The following PAEP variants were observed in gnomAD, a reference collection of about 807,000 sequenced individuals.
PAEP encodes glycodelin.
Under a neutral mutation model 23.0 loss-of-function variants are expected in PAEP, and 28 were observed. The ratio of observed to expected loss-of-function variants is 1.22; its 90% CI spans 0.90 to 1.67. The LOEUF (loss-of-function observed/expected upper bound fraction) is 1.67, where lower values mean the gene tolerates loss of function less well. Ranked by LOEUF, PAEP falls within the 40% of genes most tolerant of loss-of-function variation. PAEP has a pLI of 0.00. For synonymous variants in PAEP, 103 were observed against 92.4 expected, an observed-to-expected ratio of 1.12 and a Z score of -0.66; for missense variants, 209 against 226.4, an observed-to-expected ratio of 0.92 and a Z score of 0.49.
intron 6 of PAEP, among the ~76,000 whole-genome samples, 182 bp downstream of exon 6, chr9:135,565,983 G>A (rs569419850): frequency 6.6e-6 from 1 of 152,210 alleles, no homozygotes; most frequent in Non-Finnish European, 1.5e-5. Context: ...CCCCATTCAC[G>A]AGCCCAGCCT....
chr9:135,564,393 G>A, intron 4 of PAEP, 39 bp downstream of exon 4: 2 of 1,546,448 alleles, frequency 1.3e-6, no homozygotes, highest in Non-Finnish European at 1.7e-6. Flanking sequence ...TGGGTGAGAG[G>A]CAGCAGCTAC....
intron 2 of PAEP, 44 bp downstream of exon 2, chr9:135,562,477 T>A: frequency 3.8e-6 from 6 of 1,598,028 alleles, no homozygotes; most frequent in Non-Finnish European, 5.1e-6. Context: ...GGGCTCAGTC[T>A]CCCCCCTCAG....
intron 3 of PAEP, among the ~76,000 whole-genome samples, chr9:135,563,822 G>C (rs1780256982): frequency 6.6e-6 from 1 of 152,128 alleles, no homozygotes; most frequent in Non-Finnish European, 1.5e-5. Flanking sequence ...TCATGCTTGG[G>C]ACTTGCCTCA....
chr9:135,565,426 G>A lies in PAEP; in HGVS notation c.438G>A (p.Glu146=). 1 of 1,614,114 alleles carries A rather than the reference G, an allele frequency of 6.2e-7. No homozygotes were observed. Residue 146 remains glutamate, a synonymous_variant, in exon 5 of 7, where the codon GAG becomes GAA. Coordinates refer to ENST00000479141, the MANE Select transcript of PAEP (RefSeq NM_002571.4). ...MCQYLARVLV[E]DDEIMQGFIR... The stretch of plus-strand genomic sequence containing the variant: ...CTTCCACAGCCAGAGTCCTGGTGGA[G>A]GACGATGAGATCATGCAGGGATTCA...
rs77448806 is a variant in PAEP, at chr9:135,562,847, G to C, written c.264G>C (p.Lys88Asn). ...AGAACAACAGCTGTGTTGAGAAGAA[G>C]GTCCTTGGAGAGAAGACTGAGAATC... ...RWENNSCVEK[K>N]VLGEKTENPK... The change falls in exon 3 of 7, where the codon AAG (lysine) becomes AAC (asparagine). Residue 88 changes from lysine to asparagine, a missense_variant. Transcript: ENST00000479141. 7 of 1,614,002 alleles carry C rather than the reference G, an allele frequency of 4.3e-6. No homozygotes were observed. In the East Asian group the frequency reaches 6.7e-5, roughly 15 times the overall value.
intron 1 of PAEP, 97 bp downstream of exon 1, chr9:135,561,994 G>A: frequency 1.0e-6 from 1 of 995,210 alleles, no homozygotes; most frequent in Middle Eastern, 3.0e-4. Context: ...AAACCTACAG[G>A]AAGCACAGAA....
Position 135,562,404 on chromosome 9 carries a change from G to A in PAEP, c.207G>A (p.Glu69=). ...VHITSLLPTP[E]DNLEIVLHRW... ...TCACCTCACTGTTGCCCACCCCCGAGGACAACCTGGAGATCGTTCTGCACA... is the reference window on the plus strand; with the variant it reads ...TCACCTCACTGTTGCCCACCCCCGAAGACAACCTGGAGATCGTTCTGCACA... The change falls in exon 2 of 7, where the codon GAG becomes GAA. Residue 69 remains glutamate, a synonymous_variant. Coordinates refer to ENST00000479141, the MANE Select transcript of PAEP (RefSeq NM_002571.4). 1 of 1,614,050 alleles carries A rather than the reference G, an allele frequency of 6.2e-7. No individual in the cohort carries two copies. The highest frequency in any genetic ancestry group is 8.5e-7 in the Non-Finnish European group (1 of 1,179,980).
Position 135,562,317 on chromosome 9 carries a change from G to A in PAEP, c.120G>A (p.Met40Ile). The A allele has an allele frequency of 6.2e-7, 1 of 1,614,008 alleles. No homozygotes were observed. Among genetic ancestry groups the A allele is most frequent in the Non-Finnish European group, 8.5e-7 (1 of 1,179,990 alleles). Residue 40 changes from methionine (M) to isoleucine (I), a missense_variant, in exon 2 of 7, where the codon ATG becomes ATA. Coordinates refer to ENST00000479141, the MANE Select transcript of PAEP (RefSeq NM_002571.4). Reference sequence around the variant, plus strand: ...AGTTGGCAGGGACCTGGCACTCCATGGCCATGGCGACCAACAACATCTCCC... The same window carrying A: ...AGTTGGCAGGGACCTGGCACTCCATAGCCATGGCGACCAACAACATCTCCC... ...LPKLAGTWHS[M>I]AMATNNISLM...
At chr9:135,565,875 C>T (rs1162084647) in intron 6 of PAEP, 74 bp downstream of exon 6, 7 of 1,510,422 alleles carry the variant, frequency 4.6e-6, no homozygotes, top group Non-Finnish European at 4.6e-6. Flanking sequence ...CCTCTCTGGG[C>T]CCCTGGGACA....
rs1030265311 is a variant in PAEP at position 135,564,823 on chromosome 9, C to T, written c.421+469C>T. ...CCGGCCAGGCTGAGTTTTTCTCCAG[C>T]GGTTCATCGAGTCCTCTGACAAAGC... On this transcript the variant is annotated intron_variant, in intron 4 of 6. Transcript: ENST00000479141. 1.4e-5 allele frequency: 14 copies of T among 985,284 alleles called. No homozygotes were observed. In the South Asian group the frequency reaches 1.9e-4, roughly 13 times the overall value. The allele number at this position is 985,284 out of a possible 1,614,324, so 61.0% of individuals were successfully genotyped here.
chr9:135,562,189 C>A, intron 1 of PAEP, 105 bp from the exon 2 acceptor site: 1 of 1,292,852 alleles, frequency 7.7e-7, no homozygotes, highest in Non-Finnish European at 1.1e-6. Flanking sequence ...AGACAACCAT[C>A]CAATGCTCAC....
At chr9:135,562,220 T>A in intron 1 of PAEP, 74 bp from the exon 2 acceptor site, 2 of 1,545,312 alleles carry the variant, frequency 1.3e-6, no homozygotes, top group Non-Finnish European at 1.8e-6. Flanking sequence ...CCAGTTAGAC[T>A]CAGCCCCGTC....
rs1424393979 is a variant in PAEP at position 135,562,433 on chromosome 9, G to A, written c.236G>A (p.Trp79Ter). The A allele has an allele frequency of 5.6e-6, 9 of 1,613,380 alleles. No individual in the cohort carries two copies. In the Admixed American group the frequency reaches 1.5e-4, roughly 27 times the overall value. The stretch of plus-strand genomic sequence containing the variant: ...AACCTGGAGATCGTTCTGCACAGAT[G>A]GTGGGTTTCTCATCATTGAGACGGG... ...EDNLEIVLHR[W>*]ENNSCVEKKV... The change falls in exon 2 of 7, where the codon TGG (tryptophan) becomes TAG (stop). Residue 79 changes from tryptophan to a stop codon, truncating the protein, a stop_gained and splice_region_variant. Coordinates refer to ENST00000479141, the MANE Select transcript of PAEP (RefSeq NM_002571.4). LOFTEE classifies it high-confidence loss of function.
chr9:135,565,267 G>A (rs1832523141), intron 4 of PAEP, 143 bp from the exon 5 acceptor site: 1 of 687,176 alleles, frequency 1.5e-6, no homozygotes, highest in South Asian at 1.7e-5. Context: ...ACCGCCCTAG[G>A]GACCTACTCC....
In PAEP at chr9:135,562,272, G is replaced by A. The variant is rs780069887; in HGVS notation, c.97-22G>A. On this transcript the variant is annotated intron_variant, in intron 1 of 6. Coordinates refer to ENST00000479141, the MANE Select transcript of PAEP (RefSeq NM_002571.4). ...AGAGCCATGGTGGGGTGGGACCGCCGTGCAGCCCAAGGCCCCCTCAGTTGG... is the reference window on the plus strand; with the variant it reads ...AGAGCCATGGTGGGGTGGGACCGCCATGCAGCCCAAGGCCCCCTCAGTTGG... 29 of 1,610,612 alleles carry A rather than the reference G, an allele frequency of 1.8e-5. 1 individual carries two copies. The highest frequency in any genetic ancestry group is 3.3e-4 in the Middle Eastern group (2 of 6,044).
intron 1 of PAEP, 63 bp downstream of exon 1, chr9:135,561,960 C>A: frequency 8.2e-7 from 1 of 1,223,398 alleles, no homozygotes; most frequent in Non-Finnish European, 1.2e-6. Flanking sequence ...GAGCTGCGGG[C>A]AGGCAGGAAG....
At chr9:135,563,559 G>GT (rs962179083) in intron 3 of PAEP, among the ~76,000 whole-genome samples, 3 of 151,406 alleles carry the variant, frequency 2.0e-5, no homozygotes, top group African/African-American at 7.3e-5. Flanking sequence ...AGTGGCTGCT[G>GT]TTCCCGTGGG....
rs1379865099 is a variant in PAEP at position 135,566,731 on chromosome 9, G to A, written c.*179G>A. On this transcript the variant is annotated 3_prime_UTR_variant, in exon 7 of 7. Transcript: ENST00000479141. The stretch of plus-strand genomic sequence containing the variant: ...ACGGCCATGGGGAGGCTGCTCCCTG[G>A]GGGCAGAGTCTCTGGCAGAGGTTAT... 1 of 154,790 alleles carries A rather than the reference G, an allele frequency of 6.5e-6. No individual in the cohort carries two copies. The highest frequency in any genetic ancestry group is 2.4e-5 in the African/African-American group (1 of 41,488). The allele number at this position is 154,790 out of a possible 1,614,324, so 9.6% of individuals were successfully genotyped here.
At chr9:135,565,577 G>GGGCTA in intron 5 of PAEP, 63 bp downstream of exon 5, 1 of 1,504,206 alleles carries the variant, frequency 6.6e-7, no homozygotes, top group Non-Finnish European at 9.2e-7. Context: ...TTCTTAGCCC[G>GGGCTA]AGCCCCCTGC....
Sources: allele counts gnomAD v4.1 joint callset (sites outside exome capture counted in the v4.1 genomes callset), GRCh38; gene constraint gnomAD v4.1.1; transcripts MANE v1.5; gene names NCBI Gene and HGNC (gene_info 2026-07-23, HGNC 2026-07-21).